STMND1: variants seen among roughly 807,000 people sequenced by gnomAD.
STMND1 encodes stathmin domain containing 1, also known as stathmin domain-containing protein 1.
A neutral mutation model predicts 23.0 loss-of-function variants in STMND1; 17 were observed. The observed-to-expected ratio is 0.74, with a 90% CI of 0.51 to 1.11. STMND1 has a LOEUF of 1.11. STMND1 is among the 50% of genes least tolerant of loss of function. The pLI is 0.00. For missense variants in STMND1, 305 were observed against 329.1 expected, an observed-to-expected ratio of 0.93 and a Z score of 0.57; for synonymous variants, 114 against 119.9, an observed-to-expected ratio of 0.95 and a Z score of 0.32.
rs563348754 is a variant in STMND1 at position 17,129,717 on chromosome 6, G to A, written c.543+474G>A. ...AAATTAGCCGGGCGTGGTGGCGGGC[G>A]CCTGTAGTCCCAGCTACTCGGGAGG... On this transcript the variant is annotated intron_variant, in intron 4 of 4. Transcript: ENST00000536551. Among the ~76,000 whole-genome samples, 22 of 152,064 alleles carry A rather than the reference G, an allele frequency of 1.4e-4. 1 individual carries two copies. The South Asian group carries it at 4.2e-3, about 29-fold the overall frequency.
chr6:17,109,357 C>T (rs1761068613), intron 1 of STMND1, among the ~76,000 whole-genome samples: 1 of 152,130 alleles, frequency 6.6e-6, no homozygotes, highest in South Asian at 2.1e-4. Flanking sequence ...AGCTATGTAA[C>T]TCCCACTACA....
intron 2 of STMND1, among the ~76,000 whole-genome samples, chr6:17,118,169 T>C (rs1427510961): frequency 6.6e-6 from 1 of 152,192 alleles, no homozygotes; most frequent in Non-Finnish European, 1.5e-5. Flanking sequence ...AGTCTTTCCC[T>C]ACACCAAGGT....
chr6:17,110,341 G>A (rs1219396321), intron 1 of STMND1, among the ~76,000 whole-genome samples: 1 of 152,054 alleles, frequency 6.6e-6, no homozygotes, highest in Non-Finnish European at 1.5e-5. Context: ...AATAGCCCCT[G>A]CTCCCCAGCC....
intron 1 of STMND1, among the ~76,000 whole-genome samples, chr6:17,102,974 C>T (rs1451388695): frequency 6.6e-6 from 1 of 152,124 alleles, no homozygotes; most frequent in Non-Finnish European, 1.5e-5. Context: ...CTCAAAGTTG[C>T]ATGCACTGTA....
chr6:17,107,716 C>A (rs2113474235), intron 1 of STMND1, among the ~76,000 whole-genome samples: 1 of 152,302 alleles, frequency 6.6e-6, no homozygotes, highest in South Asian at 2.1e-4. Context: ...TTCACCTCAG[C>A]CTGCTGAGTA....
At chr6:17,127,015 G>T (rs1436812007) in intron 3 of STMND1, among the ~76,000 whole-genome samples, 2 of 152,154 alleles carry the variant, frequency 1.3e-5, no homozygotes, top group African/African-American at 4.8e-5. Flanking sequence ...GATCCCCCCG[G>T]CTGTAGGCTC....
intron 1 of STMND1, among the ~76,000 whole-genome samples, chr6:17,110,139 A>T (rs554820747): frequency 6.6e-6 from 1 of 152,326 alleles, no homozygotes. Flanking sequence ...ATCAAGAACC[A>T]ATTCAGGCAT....
At chr6:17,109,198 A>G (rs1257571565) in intron 1 of STMND1, among the ~76,000 whole-genome samples, 2 of 152,026 alleles carry the variant, frequency 1.3e-5, no homozygotes, top group African/African-American at 2.4e-5. Flanking sequence ...TTTCATATCC[A>G]CTGAGTTTTT....
Position 17,102,214 on chromosome 6 carries a change from C to CG in STMND1, c.-43dup. 1 of 1,497,336 alleles carries CG rather than the reference C, an allele frequency of 6.7e-7. No individual in the cohort carries two copies. Among genetic ancestry groups the CG allele is most frequent in the South Asian group, 1.3e-5 (1 of 79,402 alleles). 92.8% of individuals were successfully genotyped at this position (1,497,336 alleles called of 1,614,324 possible). Reference sequence around the variant, plus strand: ...GCGCGGCAGGGAGCGCTCGCGGGGGCGCACAGCAGCCAAGCCCGCGGAGGA... The same window carrying CG: ...GCGCGGCAGGGAGCGCTCGCGGGGGCGGCACAGCAGCCAAGCCCGCGGAGGA... On this transcript the variant is annotated 5_prime_UTR_variant, in exon 1 of 5. Coordinates refer to ENST00000536551, the MANE Select transcript of STMND1 (RefSeq NM_001190766.2).
chr6:17,120,490 G>A, intron 2 of STMND1, 117 bp from the exon 3 acceptor site: 2 of 714,570 alleles, frequency 2.8e-6, no homozygotes, highest in Non-Finnish European at 4.3e-6. Flanking sequence ...TATATTAAGT[G>A]TTGAAACTAA....
At chr6:17,114,679 G>A (rs550056178) in intron 1 of STMND1, among the ~76,000 whole-genome samples, 28 of 152,334 alleles carry the variant, frequency 1.8e-4, no homozygotes, top group African/African-American at 6.7e-4. Context: ...AGGAGGCGGA[G>A]CTCTGGGGGT....
Position 17,115,126 on chromosome 6 carries a change from A to T in STMND1, c.246A>T (p.Arg82Ser). 3 of 1,534,946 alleles carry T rather than the reference A, an allele frequency of 2.0e-6. No individual in the cohort carries two copies. Among genetic ancestry groups the T allele is most frequent in the Non-Finnish European group, 2.6e-6 (3 of 1,146,524 alleles). Residue 82 changes from arginine (R) to serine (S), a missense_variant, in exon 2 of 5, where the codon AGA becomes AGT. Transcript: ENST00000536551. ...ENSPSPSERN[R>S]RVNSDLVTNG... The stretch of plus-strand genomic sequence containing the variant: ...CTCCATCTCCTAGTGAAAGAAACAG[A>T]CGAGTAAATTCAGGTAACCTCCCTC...
chr6:17,102,371 C>G lies in STMND1; in HGVS notation c.81+33C>G, dbSNP rs1561920281. On this transcript the variant is annotated intron_variant, in intron 1 of 4. Transcript: ENST00000536551. Reference sequence around the variant, plus strand: ...ACAAACAAACAAACAAACAAACAAACAGACAGAAAGCCTTTTGCCTGGGAG... The same window carrying G: ...ACAAACAAACAAACAAACAAACAAAGAGACAGAAAGCCTTTTGCCTGGGAG... 4 of 1,524,154 alleles carry G rather than the reference C, an allele frequency of 2.6e-6. No homozygotes were observed. The South Asian group carries it at 3.6e-5, about 14-fold the overall frequency. The allele number at this position is 1,524,154 out of a possible 1,614,324, so 94.4% of individuals were successfully genotyped here. A position where few individuals can be genotyped will look rare whatever the true frequency, so the allele number is the denominator to read the frequency against.
intron 1 of STMND1, among the ~76,000 whole-genome samples, chr6:17,104,857 C>A (rs1415237969): frequency 3.9e-5 from 6 of 152,128 alleles, no homozygotes; most frequent in Non-Finnish European, 7.4e-5. Context: ...TTTAACCTCC[C>A]TGTGCCCCAG....
At chr6:17,127,098 G>T (rs1761318429) in intron 3 of STMND1, among the ~76,000 whole-genome samples, 2 of 152,244 alleles carry the variant, frequency 1.3e-5, no homozygotes, top group Admixed American at 1.3e-4. Flanking sequence ...GCCTTTGGAA[G>T]AAGTCACTGC....
chr6:17,123,541 G>A (rs1018093347), intron 3 of STMND1, among the ~76,000 whole-genome samples: 6 of 152,058 alleles, frequency 3.9e-5, no homozygotes, highest in Middle Eastern at 3.2e-3. Flanking sequence ...TACCACTTCC[G>A]ACCACACAGC....
At chr6:17,107,054 T>C (rs146456100) in intron 1 of STMND1, among the ~76,000 whole-genome samples, 22 of 152,282 alleles carry the variant, frequency 1.4e-4, no homozygotes, top group Admixed American at 3.3e-4. Flanking sequence ...TTCTAGTTGA[T>C]TGTCAGTAAA....
At chr6:17,113,548 A>G (rs954626662) in intron 1 of STMND1, among the ~76,000 whole-genome samples, 4 of 152,196 alleles carry the variant, frequency 2.6e-5, no homozygotes, top group African/African-American at 9.6e-5. Flanking sequence ...ACTGGCTACT[A>G]TAGCCTAGCC....
At position 17,115,011 on chromosome 6, in the gene STMND1, A is replaced by G. The variant is rs1326987832; in HGVS notation, c.131A>G (p.Glu44Gly). The change falls in exon 2 of 5, where the codon GAA (glutamate) becomes GGA (glycine). Residue 44 changes from glutamate (E) to glycine (G), a missense_variant. Coordinates refer to ENST00000536551, the MANE Select transcript of STMND1 (RefSeq NM_001190766.2). ...GGGGAAAATTGCAGCCCCCGGATGGAAGCTGCTCTGACCAAGAATACTGTG... is the reference window on the plus strand; with the variant it reads ...GGGGAAAATTGCAGCCCCCGGATGGGAGCTGCTCTGACCAAGAATACTGTG... ...HTGENCSPRM[E>G]AALTKNTVDI... 7.8e-6 allele frequency: 12 copies of G among 1,534,832 alleles called. No homozygotes were observed. The highest frequency in any genetic ancestry group is 1.0e-5 in the Non-Finnish European group (12 of 1,146,402).
Sources: allele counts gnomAD v4.1 joint callset (sites outside exome capture counted in the v4.1 genomes callset), GRCh38; gene constraint gnomAD v4.1.1; transcripts MANE v1.5; gene names NCBI Gene and HGNC (gene_info 2026-07-23, HGNC 2026-07-21).